ATRNL1: variants seen among roughly 807,000 people sequenced by gnomAD.
ATRNL1 encodes attractin-like protein 1.
A neutral mutation model predicts 182.7 loss-of-function variants in ATRNL1; 95 were observed. That is an observed-to-expected ratio of 0.52 (90% CI 0.44 to 0.62). The LOEUF (loss-of-function observed/expected upper bound fraction) is 0.62, where lower values mean the gene tolerates loss of function less well. ATRNL1 is among the 20% of genes least tolerant of loss of function. The pLI, the probability that ATRNL1 is intolerant of heterozygous loss-of-function variation, is 0.00. For missense variants in ATRNL1, 1,471 were observed against 1,679.5 expected (o/e 0.88, Z 2.17); for synonymous variants, 576 against 568.3 (o/e 1.01, Z -0.19).
At chr10:115,469,416 A>T (rs1003275993) in intron 24 of ATRNL1, 87 bp downstream of exon 24, 1 of 850,918 alleles carries the variant, frequency 1.2e-6, no homozygotes, top group African/African-American at 1.8e-5. Context: ...ATATATGTAC[A>T]TTTCCTGACT....
intron 9 of ATRNL1, among the ~76,000 whole-genome samples, chr10:115,225,432 T>G (rs1554898438): frequency 6.7e-6 from 1 of 149,242 alleles, no homozygotes; most frequent in Admixed American, 6.7e-5. Context: ...ACCACTTTTA[T>G]TCAACATTGT....
chr10:115,212,325 T>C (rs2144384886), intron 8 of ATRNL1, among the ~76,000 whole-genome samples: 1 of 151,926 alleles, frequency 6.6e-6, no homozygotes, highest in South Asian at 2.1e-4. Flanking sequence ...GCTGAGATAT[T>C]TTTGTTTGTT....
chr10:115,733,908 T>C (rs1947873517), intron 27 of ATRNL1, among the ~76,000 whole-genome samples: 1 of 152,152 alleles, frequency 6.6e-6, no homozygotes, highest in African/African-American at 2.4e-5. Flanking sequence ...AAATATTCAG[T>C]GCCAGAACTT....
intron 8 of ATRNL1, among the ~76,000 whole-genome samples, chr10:115,192,286 A>G (rs563566385): frequency 6.6e-6 from 1 of 152,098 alleles, no homozygotes; most frequent in Admixed American, 6.6e-5. Context: ...GGTGAGAGGT[A>G]GGGGTCTAGT....
rs537600502 is a variant in ATRNL1, at chr10:115,784,667, G to A, written c.3903+57312G>A. Among the ~76,000 whole-genome samples, 12 of 152,276 alleles carry A rather than the reference G, an allele frequency of 7.9e-5. No homozygotes were observed. In the South Asian group the frequency reaches 2.1e-3, roughly 26 times the overall value. The stretch of plus-strand genomic sequence containing the variant: ...TCCCATGCCTCTCTCTTAGCTGTTG[G>A]TGGTTGCTGGGCATCCTTGGTGTTC... On this transcript the variant is annotated intron_variant, in intron 27 of 28. Coordinates refer to ENST00000355044, the MANE Select transcript of ATRNL1 (RefSeq NM_207303.4).
At chr10:115,695,668 A>G (rs1428625970) in intron 26 of ATRNL1, among the ~76,000 whole-genome samples, 1 of 152,176 alleles carries the variant, frequency 6.6e-6, no homozygotes, top group Non-Finnish European at 1.5e-5. Context: ...TAAATTGAAT[A>G]AAAATAAAGA....
intron 27 of ATRNL1, among the ~76,000 whole-genome samples, chr10:115,812,314 T>G (rs1371814288): frequency 6.6e-6 from 1 of 152,154 alleles, no homozygotes; most frequent in Non-Finnish European, 1.5e-5. Context: ...ATTATATTAT[T>G]ATTTGTTTAC....
intron 26 of ATRNL1, among the ~76,000 whole-genome samples, chr10:115,574,948 A>G (rs1399689233): frequency 6.6e-6 from 1 of 152,206 alleles, no homozygotes; most frequent in Non-Finnish European, 1.5e-5. Context: ...TAATATTTCA[A>G]AACAGGTTAT....
At chr10:115,164,622 T>C (rs1391464005) in intron 6 of ATRNL1, among the ~76,000 whole-genome samples, 2 of 152,124 alleles carry the variant, frequency 1.3e-5, no homozygotes, top group African/African-American at 4.8e-5. Context: ...GTGGTATATA[T>C]ACACAATGGA....
intron 8 of ATRNL1, among the ~76,000 whole-genome samples, chr10:115,211,725 T>C (rs1554895043): frequency 6.6e-6 from 1 of 151,834 alleles, no homozygotes; most frequent in African/African-American, 2.4e-5. Context: ...ACTCGTCATT[T>C]AACATTAGTT....
intron 1 of ATRNL1, chr10:115,096,598 A>G: frequency 8.7e-7 from 1 of 1,155,130 alleles, no homozygotes; most frequent in Non-Finnish European, 1.2e-6. Context: ...CAGGTGTCAA[A>G]ATTAATTGGT....
intron 6 of ATRNL1, among the ~76,000 whole-genome samples, chr10:115,161,868 A>G (rs1846802060): frequency 2.0e-5 from 3 of 152,114 alleles, no homozygotes; most frequent in Admixed American, 2.0e-4. Flanking sequence ...AGGATAAGTC[A>G]TAACTTGATT....
At chr10:115,362,938 G>T (rs1186643190) in intron 19 of ATRNL1, among the ~76,000 whole-genome samples, 1 of 151,922 alleles carries the variant, frequency 6.6e-6, no homozygotes, top group Non-Finnish European at 1.5e-5. Context: ...CATTTGGGTT[G>T]GTTCCAAGTC....
chr10:115,535,741 A>G (rs1851945798), intron 25 of ATRNL1, among the ~76,000 whole-genome samples: 1 of 151,658 alleles, frequency 6.6e-6, no homozygotes. Flanking sequence ...TTGTGGTTTT[A>G]TCTACTTTTG....
chr10:115,121,378 G>A (rs538604930), intron 2 of ATRNL1, among the ~76,000 whole-genome samples: 2 of 152,160 alleles, frequency 1.3e-5, no homozygotes, highest in Non-Finnish European at 2.9e-5. Context: ...CCAAAGTGCC[G>A]GGATTACAGG....
chr10:115,666,457 CA>C (rs1201991097), intron 26 of ATRNL1, among the ~76,000 whole-genome samples: 1 of 152,108 alleles, frequency 6.6e-6, no homozygotes, highest in Non-Finnish European at 1.5e-5. Context: ...TATATTTCTG[CA>C]ATTCTACAAC....
intron 20 of ATRNL1, among the ~76,000 whole-genome samples, chr10:115,403,125 A>G (rs782546538): frequency 3.9e-5 from 6 of 152,112 alleles, no homozygotes; most frequent in Non-Finnish European, 8.8e-5. Context: ...GATGATGCCA[A>G]TGAATTCCTT....
chr10:115,155,632 TG>T, intron 5 of ATRNL1, among the ~76,000 whole-genome samples: 1 of 152,198 alleles, frequency 6.6e-6, no homozygotes, highest in East Asian at 1.9e-4. Context: ...ATCCATTGAT[TG>T]ATTGATTCCA....
chr10:115,584,369 C>T (rs1388194871), intron 26 of ATRNL1, among the ~76,000 whole-genome samples: 4 of 127,976 alleles, frequency 3.1e-5, no homozygotes, highest in Non-Finnish European at 5.2e-5. Flanking sequence ...GCTGTGAATC[C>T]ATCTGGTCCT....
Sources: allele counts gnomAD v4.1 joint callset (sites outside exome capture counted in the v4.1 genomes callset), GRCh38; gene constraint gnomAD v4.1.1; transcripts MANE v1.5; gene names NCBI Gene and HGNC (gene_info 2026-07-23, HGNC 2026-07-21).